The following NSUN3 variants were observed in gnomAD, a reference collection of about 807,000 sequenced individuals.
The protein encoded by NSUN3 is NOP2/Sun RNA methyltransferase 3, also known as tRNA (cytosine(34)-C(5))-methyltransferase, mitochondrial.
Under a neutral mutation model 36.8 loss-of-function variants are expected in NSUN3, and 24 were observed. That is an observed-to-expected ratio of 0.65 (90% CI 0.47 to 0.92). NSUN3 has a LOEUF of 0.92. Among genes scored for constraint, NSUN3 ranks in the 40% least tolerant of loss-of-function variants. The pLI is 0.00. For missense variants in NSUN3, 381 were observed against 392.8 expected (o/e 0.97, Z 0.25); for synonymous variants, 146 against 145.2 (o/e 1.01, Z -0.04).
intron 2 of NSUN3, among the ~76,000 whole-genome samples, chr3:94,077,708 T>C (rs1446345154): frequency 6.6e-6 from 1 of 152,238 alleles, no homozygotes; most frequent in Non-Finnish European, 1.5e-5. Context: ...TCTTCTAGAT[T>C]TTCTATTTCA....
intron 5 of NSUN3, among the ~76,000 whole-genome samples, chr3:94,096,611 G>T (rs1369558576): frequency 6.7e-6 from 1 of 149,614 alleles, no homozygotes; most frequent in East Asian, 1.9e-4. Context: ...CGATTCTCAT[G>T]CCTCAGCCCC....
rs1348610899 is a variant in NSUN3, at chr3:94,128,579, G to GTA, written c.*2090_*2091insAT. On this transcript the variant is annotated 3_prime_UTR_variant, in exon 6 of 6. Transcript: ENST00000314622. ...CGTGTGTGTGTGTGTGTGTGTGTGT[G>GTA]TGTGTATATATATATATATATATAA... 2 of 147,304 alleles carry GTA rather than the reference G, an allele frequency of 1.4e-5. No individual in the cohort carries two copies. Among genetic ancestry groups the GTA allele is most frequent in the African/African-American group, 5.1e-5 (2 of 39,530 alleles). 9.1% of individuals were successfully genotyped at this position (147,304 alleles called of 1,614,324 possible). A position where few individuals can be genotyped will look rare whatever the true frequency, so the allele number is the denominator to read the frequency against.
intron 5 of NSUN3, among the ~76,000 whole-genome samples, chr3:94,112,522 G>A (rs1378149199): frequency 6.6e-6 from 1 of 152,178 alleles, no homozygotes. Flanking sequence ...TAGGTAATCA[G>A]TAGATGGCCA....
intron 5 of NSUN3, among the ~76,000 whole-genome samples, chr3:94,112,709 A>G (rs1030852922): frequency 3.9e-5 from 6 of 152,226 alleles, no homozygotes; most frequent in Non-Finnish European, 8.8e-5. Context: ...TATGGTTATT[A>G]CAAGGCAGTT....
intron 5 of NSUN3, among the ~76,000 whole-genome samples, chr3:94,116,939 T>C (rs996892605): frequency 2.0e-5 from 3 of 151,660 alleles, no homozygotes; most frequent in African/African-American, 7.2e-5. Flanking sequence ...TAAATAGCCT[T>C]ACATGAGTTT....
intron 5 of NSUN3, among the ~76,000 whole-genome samples, chr3:94,109,519 A>G (rs570617762): frequency 2.6e-5 from 4 of 152,214 alleles, no homozygotes; most frequent in Non-Finnish European, 5.9e-5. Context: ...TTAAGTGAGC[A>G]GGGCTGGCAG....
intron 3 of NSUN3, 57 bp from the exon 4 acceptor site, chr3:94,094,083 T>C (rs908932273): frequency 1.5e-6 from 2 of 1,297,438 alleles, no homozygotes; most frequent in Non-Finnish European, 2.1e-6. Flanking sequence ...TGCTGAAAAG[T>C]AGAAATTTAA....
In NSUN3 at chr3:94,063,156, G is replaced by T. The variant is rs1386403407; in HGVS notation, c.12+18G>T. 1 of 1,613,602 alleles carries T rather than the reference G, an allele frequency of 6.2e-7. No individual in the cohort carries two copies. Among genetic ancestry groups the T allele is most frequent in the Admixed American group, 1.7e-5 (1 of 60,012 alleles). On this transcript the variant is annotated intron_variant, in intron 1 of 5. Transcript: ENST00000314622. The stretch of plus-strand genomic sequence containing the variant: ...TGACCCAGGTGAGACCTGGGGCCCG[G>T]CTGGGTACCTCTATCTGAATGAGAC...
intron 2 of NSUN3, chr3:94,076,964 G>A: frequency 3.1e-6 from 3 of 977,750 alleles, no homozygotes; most frequent in Non-Finnish European, 5.0e-6. Context: ...CAATGTGTGT[G>A]TGTACCCAGG....
chr3:94,076,733 C>G (rs947967252), intron 2 of NSUN3: 1 of 1,407,300 alleles, frequency 7.1e-7, no homozygotes, highest in African/African-American at 1.4e-5. Context: ...AAGAACATCA[C>G]TGGAAGGAGT....
At chr3:94,125,422 G>T (rs556317639) in intron 5 of NSUN3, among the ~76,000 whole-genome samples, 1 of 152,282 alleles carries the variant, frequency 6.6e-6, no homozygotes, top group African/African-American at 2.4e-5. Flanking sequence ...AGAATGCAGA[G>T]ATCTTTGATT....
At chr3:94,074,579 G>A (rs775783643) in intron 2 of NSUN3, among the ~76,000 whole-genome samples, 14 of 152,308 alleles carry the variant, frequency 9.2e-5, no homozygotes, top group Admixed American at 5.9e-4. Context: ...GTGGATGGGA[G>A]TTCACTCATG....
In NSUN3 at chr3:94,063,092, C is replaced by T; in HGVS notation, c.-35C>T. 1.9e-6 allele frequency: 3 copies of T among 1,613,780 alleles called. No homozygotes were observed. The highest frequency in any genetic ancestry group is 2.5e-6 in the Non-Finnish European group (3 of 1,179,754). On this transcript the variant is annotated 5_prime_UTR_variant, in exon 1 of 6. Transcript: ENST00000314622. ...CTGGAGGCTTTTTGATACTGATTCG[C>T]GTACACCTGTTGTTTGAAAGCTCTC...
chr3:94,069,070 C>T (rs2077215813), intron 2 of NSUN3, among the ~76,000 whole-genome samples: 1 of 152,200 alleles, frequency 6.6e-6, no homozygotes, highest in South Asian at 2.1e-4. Flanking sequence ...ACGCCTTTTC[C>T]TATACCATCT....
intron 5 of NSUN3, among the ~76,000 whole-genome samples, chr3:94,106,971 CT>C (rs796573795): frequency 6.4e-4 from 94 of 147,866 alleles, no homozygotes; most frequent in African/African-American, 8.6e-4. Context: ...GCAATTAAAA[CT>C]TTTTTTTTTT....
intron 5 of NSUN3, among the ~76,000 whole-genome samples, chr3:94,117,773 TAATC>T (rs2077446510): frequency 6.6e-6 from 1 of 152,208 alleles, no homozygotes; most frequent in African/African-American, 2.4e-5. Flanking sequence ...GCTATAAAAT[TAATC>T]AAGATCAACT....
chr3:94,074,466 C>T (rs901927947), intron 2 of NSUN3, among the ~76,000 whole-genome samples: 1 of 152,090 alleles, frequency 6.6e-6, no homozygotes, highest in Non-Finnish European at 1.5e-5. Flanking sequence ...TGTTTGTGTC[C>T]TCTCTTATTT....
At chr3:94,125,669 A>G (rs2077482344) in intron 5 of NSUN3, among the ~76,000 whole-genome samples, 1 of 152,180 alleles carries the variant, frequency 6.6e-6, no homozygotes, top group South Asian at 2.1e-4. Flanking sequence ...CTACTTTTTG[A>G]ATAGCAATCA....
intron 2 of NSUN3, chr3:94,076,740 G>T (rs1456917182): frequency 6.3e-6 from 9 of 1,419,304 alleles, no homozygotes; most frequent in Non-Finnish European, 9.0e-6. Flanking sequence ...TCACTGGAAG[G>T]AGTCTTTGTT....
Sources: gnomAD v4.1 joint callset for allele counts (sites outside exome capture counted in the v4.1 genomes callset) on GRCh38, gnomAD v4.1.1 for gene constraint, MANE v1.5 for transcripts, NCBI Gene and HGNC (gene_info 2026-07-23, HGNC 2026-07-21) for gene names.